NR1I2: variants seen among roughly 807,000 people sequenced by gnomAD.
The protein encoded by NR1I2 is nuclear receptor subfamily 1 group I member 2.
Under a neutral mutation model 43.3 loss-of-function variants are expected in NR1I2, and 42 were observed. That is an observed-to-expected ratio of 0.97 (90% CI 0.76 to 1.26). The LOEUF (loss-of-function observed/expected upper bound fraction) is 1.26, where lower values mean the gene tolerates loss of function less well. NR1I2 is among the 50% of genes most tolerant of loss of function. The pLI is 0.00. For missense variants in NR1I2, 559 were observed against 566.7 expected (o/e 0.99, Z 0.14); for synonymous variants, 229 against 215.0 (o/e 1.06, Z -0.57).
At chr3:119,787,843 A>G (rs551295092) in intron 1 of NR1I2, among the ~76,000 whole-genome samples, 24 of 152,272 alleles carry the variant, frequency 1.6e-4, no homozygotes, top group Non-Finnish European at 3.1e-4. Flanking sequence ...ATACACACAC[A>G]CATAATTAAA....
chr3:119,809,567 A>G lies in NR1I2; in HGVS notation c.198-494A>G, dbSNP rs933278255. Among the ~76,000 whole-genome samples the G allele has an allele frequency of 8.9e-4, 7 of 7,876 alleles. No individual in the cohort carries two copies. In the East Asian group the frequency reaches 0.016, roughly 18 times the overall value. 5.2% of individuals were successfully genotyped at this position (7,876 alleles called of 152,430 possible). A position where few individuals can be genotyped will look rare whatever the true frequency, so the allele number is the denominator to read the frequency against. The stretch of plus-strand genomic sequence containing the variant: ...GGGGGTGGGGGGAAGGCGGGGGGGA[A>G]GGCGGGGGGGTGGGGCGGGCTTCTC... On this transcript the variant is annotated intron_variant, in intron 2 of 8. Coordinates refer to ENST00000393716, the MANE Select transcript of NR1I2 (RefSeq NM_003889.4).
intron 2 of NR1I2, among the ~76,000 whole-genome samples, 198 bp from the exon 3 acceptor site, chr3:119,809,863 C>A (rs2107971910): frequency 6.6e-6 from 1 of 152,282 alleles, no homozygotes; most frequent in African/African-American, 2.4e-5. Context: ...CGGCTCTGCC[C>A]CCTCTAGCTG....
intron 1 of NR1I2, among the ~76,000 whole-genome samples, chr3:119,798,946 C>T (rs115258542): frequency 0.019 from 2,896 of 152,138 alleles, 37 homozygotes; most frequent in Middle Eastern, 0.088. Flanking sequence ...ATCCACGAAC[C>T]GGTTGATGAA....
intron 5 of NR1I2, among the ~76,000 whole-genome samples, 168 bp from the exon 6 acceptor site, chr3:119,814,811 G>A (rs956708658): frequency 2.0e-5 from 3 of 152,170 alleles, no homozygotes; most frequent in African/African-American, 7.2e-5. Flanking sequence ...TGGGTTGTGA[G>A]GGGAGAGATG....
intron 1 of NR1I2, among the ~76,000 whole-genome samples, chr3:119,796,998 A>AT (rs1447233875): frequency 1.3e-5 from 2 of 152,182 alleles, no homozygotes; most frequent in African/African-American, 4.8e-5. Flanking sequence ...AATGCCCACT[A>AT]TATCTCCAGC....
chr3:119,786,193 A>G (rs752403345), intron 1 of NR1I2, among the ~76,000 whole-genome samples: 4 of 152,218 alleles, frequency 2.6e-5, no homozygotes, highest in African/African-American at 9.6e-5. Flanking sequence ...AACGTGGACA[A>G]CATTAATTCA....
chr3:119,786,443 T>C (rs1325953095), intron 1 of NR1I2, among the ~76,000 whole-genome samples: 1 of 152,186 alleles, frequency 6.6e-6, no homozygotes, highest in Non-Finnish European at 1.5e-5. Context: ...CAACTGGAAA[T>C]TGACATAAAG....
chr3:119,795,112 T>C (rs985553125), intron 1 of NR1I2, among the ~76,000 whole-genome samples: 1 of 152,162 alleles, frequency 6.6e-6, no homozygotes, highest in Non-Finnish European at 1.5e-5. Context: ...GGGAGTTGGC[T>C]CTTGGCTGGG....
At chr3:119,787,902 TG>T (rs1252239310) in intron 1 of NR1I2, among the ~76,000 whole-genome samples, 1 of 152,118 alleles carries the variant, frequency 6.6e-6, no homozygotes, top group Non-Finnish European at 1.5e-5. Context: ...TTATGATTTT[TG>T]TTTTTTTATC....
At chr3:119,806,752 A>G (rs762311304) in intron 1 of NR1I2, among the ~76,000 whole-genome samples, 11 of 152,090 alleles carry the variant, frequency 7.2e-5, no homozygotes, top group Non-Finnish European at 1.6e-4. Context: ...CAGCCTTTCT[A>G]GCTCCCTGTG....
chr3:119,794,643 A>G (rs1272972863), intron 1 of NR1I2, among the ~76,000 whole-genome samples: 1 of 152,200 alleles, frequency 6.6e-6, no homozygotes, highest in African/African-American at 2.4e-5. Flanking sequence ...TTTTTCTTAA[A>G]TAGGACTGCC....
chr3:119,810,001 C>T lies in NR1I2; in HGVS notation c.198-60C>T. 4 of 1,608,120 alleles carry T rather than the reference C, an allele frequency of 2.5e-6. No homozygotes were observed. In the South Asian group the frequency reaches 4.4e-5, roughly 18 times the overall value. The stretch of plus-strand genomic sequence containing the variant: ...GGGAGGGAGGTGGTATGGCCCGGAG[C>T]CCCAGGCCGAGGGCCCGGGCACCCG... On this transcript the variant is annotated intron_variant, in intron 2 of 8. Transcript: ENST00000393716.
At chr3:119,814,887 C>T (rs1162019192) in intron 5 of NR1I2, 92 bp from the exon 6 acceptor site, 2 of 1,540,948 alleles carry the variant, frequency 1.3e-6, no homozygotes, top group African/African-American at 1.4e-5. Context: ...CTTCCTCTCG[C>T]CCCCAACTTC....
At chr3:119,814,827 C>T in intron 5 of NR1I2, 152 bp from the exon 6 acceptor site, 1 of 942,344 alleles carries the variant, frequency 1.1e-6, no homozygotes, top group Non-Finnish European at 1.6e-6. Context: ...AGATGAGAGG[C>T]AGCCAGACAG....
intron 1 of NR1I2, among the ~76,000 whole-genome samples, chr3:119,784,305 A>G (rs2054815816): frequency 6.6e-6 from 1 of 152,208 alleles, no homozygotes; most frequent in African/African-American, 2.4e-5. Flanking sequence ...TTCCCTGATT[A>G]TTAATGAAGT....
rs752954517 is a variant in NR1I2, at chr3:119,812,806, C to T, written c.640C>T (p.Gln214Ter). The change falls in exon 5 of 9, where the codon CAG (glutamine) becomes TAG (stop). Residue 214 changes from glutamine to a stop codon, truncating the protein, a stop_gained. Coordinates refer to ENST00000393716, the MANE Select transcript of NR1I2 (RefSeq NM_003889.4). LOFTEE classifies it high-confidence loss of function. ...TCTGTGCTCTTTGAAGGTCTCTCTG[C>T]AGCTGCGGGGGGAGGATGGCAGTGT... 2 of 1,614,256 alleles carry T rather than the reference C, an allele frequency of 1.2e-6. No individual in the cohort carries two copies. The highest frequency in any genetic ancestry group is 2.2e-5 in the South Asian group (2 of 91,086).
Position 119,812,930 on chromosome 3 carries a change from T to A in NR1I2, c.764T>A (p.Ile255Asn). 6.2e-7 allele frequency: 1 copy of A among 1,613,972 alleles called. No homozygotes were observed. Among genetic ancestry groups the A allele is most frequent in the Non-Finnish European group, 8.5e-7 (1 of 1,180,036 alleles). Residue 255 changes from isoleucine (I) to asparagine (N), a missense_variant, in exon 5 of 9, where the codon ATC becomes AAC. Ile to Asn is a moderately radical substitution (Grantham distance 149). Coordinates refer to ENST00000393716, the MANE Select transcript of NR1I2 (RefSeq NM_003889.4). ...TCAACCTACATGTTCAAAGGCATCA[T>A]CAGCTTTGCCAAAGTCATCTCCTAC...
In NR1I2 at chr3:119,799,985, A is replaced by AACAC. The variant is rs35486268; in HGVS notation, c.-22-7222_-22-7219dup. ...CAAAAAACAAACAAACAAACAAACA[A>AACAC]ACACACACACACACACACACACACA... On this transcript the variant is annotated intron_variant, in intron 1 of 8. Coordinates refer to ENST00000393716, the MANE Select transcript of NR1I2 (RefSeq NM_003889.4). 6.6e-3 allele frequency among the ~76,000 whole-genome samples: 940 copies of AACAC among 142,484 alleles called. 9 individuals carry two copies. Among genetic ancestry groups the AACAC allele is most frequent in the African/African-American group, 0.018 (682 of 38,442 alleles). The allele number at this position is 142,484 out of a possible 152,430, so 93.5% of individuals were successfully genotyped here.
chr3:119,786,281 G>A (rs2054842136), intron 1 of NR1I2, among the ~76,000 whole-genome samples: 1 of 152,174 alleles, frequency 6.6e-6, no homozygotes. Context: ...TTGGTGTCCT[G>A]GGCACAACCT....
Sources: gnomAD v4.1 joint callset for allele counts (sites outside exome capture counted in the v4.1 genomes callset) on GRCh38, gnomAD v4.1.1 for gene constraint, MANE v1.5 for transcripts, NCBI Gene and HGNC (gene_info 2026-07-23, HGNC 2026-07-21) for gene names.